AKAP1: variants seen among roughly 807,000 people sequenced by gnomAD.
The protein encoded by AKAP1 is A-kinase anchor protein 1, mitochondrial.
Under a neutral mutation model 79.8 loss-of-function variants are expected in AKAP1, and 32 were observed. That is an observed-to-expected ratio of 0.40 (90% CI 0.30 to 0.54). The LOEUF (loss-of-function observed/expected upper bound fraction) is 0.54. AKAP1 is among the 20% of genes least tolerant of loss of function. AKAP1 has a pLI of 0.47. For missense variants in AKAP1, 961 were observed against 1,138.9 expected (o/e 0.84, Z 2.25); for synonymous variants, 416 against 466.7 (o/e 0.89, Z 1.40).
chr17:57,106,500 C>G lies in AKAP1; in HGVS notation c.1036C>G (p.Arg346Gly). ...CTTGGATAGAAATGAGGAGATTAAG[C>G]GGGCTGCCTTCCAGATAATCTCCCA... ...EGLDRNEEIK[R>G]AAFQIISQVI... The change falls in exon 2 of 11, where the codon CGG (arginine) becomes GGG (glycine). Residue 346 changes from arginine (R) to glycine (G), a missense_variant. This residue lies in a region of AKAP1 where 629 missense variants were observed against 781.1 expected (regional missense o/e 0.81). Transcript: ENST00000337714. The G allele has an allele frequency of 6.2e-7, 1 of 1,612,576 alleles. No homozygotes were observed. The highest frequency in any genetic ancestry group is 8.5e-7 in the Non-Finnish European group (1 of 1,178,998).
intron 9 of AKAP1, among the ~76,000 whole-genome samples, 199 bp downstream of exon 9, chr17:57,118,653 A>G (rs1488739815): frequency 1.3e-5 from 2 of 152,236 alleles, no homozygotes; most frequent in Non-Finnish European, 2.9e-5. Context: ...TCTATAAAGG[A>G]AAGAGGTGTA....
intron 5 of AKAP1, among the ~76,000 whole-genome samples, chr17:57,113,062 T>TCCTTCC (rs1915349670): frequency 6.6e-6 from 1 of 152,148 alleles, no homozygotes; most frequent in Non-Finnish European, 1.5e-5. Context: ...GTGAAGGATC[T>TCCTTCC]CCTTCCCCTT....
In AKAP1 at chr17:57,105,446, A is replaced by C. The variant is rs1213813581; in HGVS notation, c.-19A>C. 6 of 1,586,904 alleles carry C rather than the reference A, an allele frequency of 3.8e-6. No individual in the cohort carries two copies. In the East Asian group the frequency reaches 1.4e-4, roughly 38 times the overall value. On this transcript the variant is annotated 5_prime_UTR_variant, in exon 2 of 11. It removes the in-frame stop codon of an upstream open reading frame in the 5' UTR. Coordinates refer to ENST00000337714, the MANE Select transcript of AKAP1 (RefSeq NM_003488.4). The stretch of plus-strand genomic sequence containing the variant: ...CGCTCTCCTGCTCTCCCCAGGTGTA[A>C]TTACTTCAAGCCTCCAGGATGGCAA...
At chr17:57,097,184 A>G (rs1278799159) in intron 1 of AKAP1, among the ~76,000 whole-genome samples, 3 of 152,048 alleles carry the variant, frequency 2.0e-5, no homozygotes, top group African/African-American at 7.2e-5. Context: ...ACCTCAATTT[A>G]TGTCCTGTCC....
intron 4 of AKAP1, 129 bp from the exon 5 acceptor site, chr17:57,112,354 GTGTTTTGT>G (rs1285451300): frequency 9.9e-7 from 1 of 1,011,198 alleles, no homozygotes; most frequent in East Asian, 2.5e-5. Context: ...CAGAGCTTAA[GTGTTTTGT>G]TACCTCAAAG....
intron 10 of AKAP1, among the ~76,000 whole-genome samples, chr17:57,119,830 C>CTTTTTCTTTTTTTTTTTTTTT: frequency 1.4e-5 from 1 of 70,290 alleles, no homozygotes; most frequent in Non-Finnish European, 2.5e-5. Flanking sequence ...CCCTGTTACT[C>CTTTTTCTTTTTTTTTTTTTTT]TTTTTTTTTT....
At chr17:57,110,192 T>TA (rs1295330705) in intron 3 of AKAP1, 34 bp downstream of exon 3, 2 of 1,610,874 alleles carry the variant, frequency 1.2e-6, no homozygotes, top group Non-Finnish European at 1.7e-6. Flanking sequence ...GGTTCTGTGG[T>TA]AAGCCCAAAG....
chr17:57,117,153 CTG>C (rs1467001671), intron 8 of AKAP1, among the ~76,000 whole-genome samples: 3 of 152,240 alleles, frequency 2.0e-5, no homozygotes, highest in Non-Finnish European at 4.4e-5. Context: ...CTGCTCTAGA[CTG>C]TACTCAGACC....
chr17:57,105,717 G>A lies in AKAP1; in HGVS notation c.253G>A (p.Val85Met), dbSNP rs772955752. ...GCCTCCAGAAAAGGAACTGTCCACC[G>A]TGAGCAAGCTGCCTGCAGAGCCCCC... ...TEPPEKELST[V>M]SKLPAEPPAL... Residue 85 changes from valine (V) to methionine (M), a missense_variant, in exon 2 of 11, where the codon GTG becomes ATG. By Grantham distance (21) the Val-to-Met change is conservative. Coordinates refer to ENST00000337714, the MANE Select transcript of AKAP1 (RefSeq NM_003488.4). The A allele has an allele frequency of 4.3e-6, 7 of 1,614,002 alleles. No homozygotes were observed. The African/African-American group carries it at 5.3e-5, about 12-fold the overall frequency.
chr17:57,091,948 C>T (rs1417629294), intron 1 of AKAP1, among the ~76,000 whole-genome samples: 3 of 152,130 alleles, frequency 2.0e-5, no homozygotes, highest in Non-Finnish European at 4.4e-5. Context: ...CCATGTTGGT[C>T]TCCCAAAGTG....
chr17:57,100,451 A>ACACACACG (rs1555620019), intron 1 of AKAP1, among the ~76,000 whole-genome samples: 1 of 151,818 alleles, frequency 6.6e-6, no homozygotes, highest in Non-Finnish European at 1.5e-5. Context: ...ACACACGCAC[A>ACACACACG]CACACACACA....
chr17:57,112,611 C>T lies in AKAP1; in HGVS notation c.2096C>T (p.Thr699Ile), dbSNP rs138521404. The change falls in exon 5 of 11, where the codon ACA becomes ATA. Residue 699 changes from threonine to isoleucine, a missense_variant. Transcript: ENST00000337714. ...PSLALPSLPMTSWLMLPDGIT... is the reference protein window; with the variant it reads ...PSLALPSLPMISWLMLPDGIT... ...CTGGCACTGCCTTCTCTGCCGATGA[C>T]ATCCTGGGTGAGCGTGCTACTGGGT... The T allele has an allele frequency of 6.8e-5, 109 of 1,611,432 alleles. No individual in the cohort carries two copies. The highest frequency in any genetic ancestry group is 8.4e-5 in the Non-Finnish European group (99 of 1,178,886).
Position 57,116,311 on chromosome 17 carries a change from C to T in AKAP1, c.2432+50C>T, listed in dbSNP as rs759016014. 5.0e-6 allele frequency: 8 copies of T among 1,607,532 alleles called. No homozygotes were observed. The African/African-American group carries it at 5.3e-5, about 11-fold the overall frequency. On this transcript the variant is annotated intron_variant, in intron 7 of 10. Transcript: ENST00000337714. Reference sequence around the variant, plus strand: ...CCTACGCCCTGCTTGTTCTGGGATGCGTGATCTCTGCGTGGCTGGCTCAGT... The same window carrying T: ...CCTACGCCCTGCTTGTTCTGGGATGTGTGATCTCTGCGTGGCTGGCTCAGT...
chr17:57,108,143 C>T (rs1915012983), intron 2 of AKAP1: 1 of 653,648 alleles, frequency 1.5e-6, no homozygotes, highest in Non-Finnish European at 2.1e-6. Context: ...GGCTCTCTGA[C>T]TTGTTTGTCC....
chr17:57,091,433 C>T (rs967445427), intron 1 of AKAP1, among the ~76,000 whole-genome samples: 10 of 152,112 alleles, frequency 6.6e-5, no homozygotes, highest in Non-Finnish European at 1.0e-4. Context: ...AATAAAGCCA[C>T]CCTGGAAGCT....
At chr17:57,100,725 C>G (rs1914453763) in intron 1 of AKAP1, among the ~76,000 whole-genome samples, 1 of 152,228 alleles carries the variant, frequency 6.6e-6, no homozygotes. Flanking sequence ...GGATTTGAAT[C>G]TTTTGACAGC....
At position 57,111,912 on chromosome 17, in the gene AKAP1, T is replaced by G; in HGVS notation, c.1963T>G (p.Cys655Gly). Residue 655 changes from cysteine (C) to glycine (G), a missense_variant, in exon 4 of 11, where the codon TGC (cysteine) becomes GGC (glycine). Physicochemically the swap from Cys to Gly is radical, Grantham distance 159 (BLOSUM62 -3). This residue lies in a region of AKAP1 where 629 missense variants were observed against 781.1 expected (regional missense o/e 0.81). Transcript: ENST00000337714. ...TLPYTQSVQI[C>G]HIEGSQHHVD... is the part of the protein sequence containing the mutation. ...GCCTTACACCCAGAGCGTCCAGATC[T>G]GCCACATAGAAGGTCAGTAACATCT... 6.2e-7 allele frequency: 1 copy of G among 1,613,636 alleles called. No individual in the cohort carries two copies. The highest frequency in any genetic ancestry group is 8.5e-7 in the Non-Finnish European group (1 of 1,179,644).
chr17:57,098,416 T>C (rs1471011710), intron 1 of AKAP1: 3 of 152,264 alleles, frequency 2.0e-5, no homozygotes, highest in Non-Finnish European at 4.4e-5. Context: ...TTTGATTAGC[T>C]TGTGAGTAGG....
intron 1 of AKAP1, among the ~76,000 whole-genome samples, chr17:57,089,143 T>G (rs72843419): frequency 0.098 from 14,837 of 152,030 alleles, 745 homozygotes; most frequent in East Asian, 0.14. Flanking sequence ...CTAAAAGAGG[T>G]TTGGTCAAAA....
Sources: gnomAD v4.1 joint callset for allele counts (sites outside exome capture counted in the v4.1 genomes callset) on GRCh38, gnomAD v4.1.1 for gene constraint, gnomAD v4.1.1 regional missense constraint, MANE v1.5 for transcripts, NCBI Gene and HGNC (gene_info 2026-07-23, HGNC 2026-07-21) for gene names.